Variants in NUP35 observed in about 807,000 individuals in gnomAD.
NUP35 encodes nucleoporin NUP35.
Under a neutral mutation model 41.5 loss-of-function variants are expected in NUP35, and 25 were observed. That is an observed-to-expected ratio of 0.60 (90% CI 0.44 to 0.84). The LOEUF (loss-of-function observed/expected upper bound fraction) is 0.84, where lower values mean the gene tolerates loss of function less well. Among genes scored for constraint, NUP35 ranks in the 40% least tolerant of loss-of-function variants. The pLI is 0.00. For missense variants in NUP35, 396 were observed against 396.6 expected (o/e 1.00, Z 0.01); for synonymous variants, 149 against 130.7 (o/e 1.14, Z -0.96).
chr2:183,140,040 A>T (rs1685030852), intron 4 of NUP35, among the ~76,000 whole-genome samples: 1 of 152,234 alleles, frequency 6.6e-6, no homozygotes, highest in Non-Finnish European at 1.5e-5. Flanking sequence ...ATAATACTGA[A>T]TAAAAACTAT....
intron 1 of NUP35, chr2:183,117,657 A>T (rs1700007044): frequency 6.6e-6 from 1 of 152,156 alleles, no homozygotes; most frequent in Non-Finnish European, 1.5e-5. Context: ...CTTCAATTTT[A>T]AAAAATTATT....
chr2:183,144,674 G>A (rs889935487), intron 4 of NUP35, among the ~76,000 whole-genome samples: 5 of 152,128 alleles, frequency 3.3e-5, no homozygotes, highest in African/African-American at 4.8e-5. Context: ...ATTGCAGTCC[G>A]ATTTGATGTG....
chr2:183,119,767 A>G (rs1700040857), upstream of NUP35, among the ~76,000 whole-genome samples: 1 of 152,048 alleles, frequency 6.6e-6, no homozygotes, highest in African/African-American at 2.4e-5. Flanking sequence ...TCACTGCAGC[A>G]TGGAACTCCT....
At chr2:183,158,432 G>A in intron 7 of NUP35, 21 bp downstream of exon 7, 2 of 1,571,836 alleles carry the variant, frequency 1.3e-6, no homozygotes, top group African/African-American at 1.4e-5. Context: ...GGTGATGTAG[G>A]CAAAGTAGCT....
intron 1 of NUP35, among the ~76,000 whole-genome samples, chr2:183,127,804 G>C (rs1198726987): frequency 6.6e-6 from 1 of 152,160 alleles, no homozygotes; most frequent in Non-Finnish European, 1.5e-5. Context: ...AGGTGTACTG[G>C]CTTCACACCT....
intron 4 of NUP35, 57 bp downstream of exon 4, chr2:183,133,680 C>CT: frequency 2.3e-6 from 3 of 1,299,970 alleles, no homozygotes; most frequent in Non-Finnish European, 3.1e-6. Context: ...GGCTCTGCTA[C>CT]CCACGCTGGA....
intron 4 of NUP35, among the ~76,000 whole-genome samples, chr2:183,141,450 T>A (rs1262553054): frequency 1.3e-5 from 2 of 152,216 alleles, no homozygotes; most frequent in African/African-American, 4.8e-5. Flanking sequence ...TTTCAGTTTT[T>A]AATTTTGCTA....
At chr2:183,156,759 A>G (rs1050721869) in intron 5 of NUP35, among the ~76,000 whole-genome samples, 3 of 151,678 alleles carry the variant, frequency 2.0e-5, no homozygotes, top group African/African-American at 7.3e-5. Flanking sequence ...AGCCATTTCT[A>G]TGCGATTGGT....
intron 7 of NUP35, 95 bp downstream of exon 7, chr2:183,158,506 G>GTGTC (rs1559157789): frequency 8.9e-7 from 1 of 1,125,404 alleles, no homozygotes. Context: ...TGGTTTCACT[G>GTGTC]TGTCTGTTTT....
chr2:183,129,681 G>A (rs1684628263), intron 2 of NUP35, among the ~76,000 whole-genome samples: 1 of 152,128 alleles, frequency 6.6e-6, no homozygotes, highest in South Asian at 2.1e-4. Flanking sequence ...GAGGCTAAAT[G>A]CAATAAGTAA....
At chr2:183,151,765 C>A in intron 5 of NUP35, 116 bp downstream of exon 5, 2 of 867,728 alleles carry the variant, frequency 2.3e-6, no homozygotes, top group Non-Finnish European at 3.5e-6. Flanking sequence ...ATATTACTAC[C>A]ACCTAGGTTC....
intron 4 of NUP35, among the ~76,000 whole-genome samples, chr2:183,148,467 GTT>G (rs1685354893): frequency 6.6e-6 from 1 of 152,054 alleles, no homozygotes; most frequent in African/African-American, 2.4e-5. Context: ...GCCAGCATCT[GTT>G]TGTTTTTTTG....
upstream of NUP35, among the ~76,000 whole-genome samples, chr2:183,121,787 G>A (rs1215960860): frequency 1.3e-5 from 2 of 151,944 alleles, no homozygotes; most frequent in Non-Finnish European, 2.9e-5. Flanking sequence ...AGCTGAGATC[G>A]TGTCACTGCA....
intron 5 of NUP35, among the ~76,000 whole-genome samples, chr2:183,153,143 A>G (rs1317256490): frequency 3.3e-5 from 5 of 152,176 alleles, no homozygotes; most frequent in Non-Finnish European, 5.9e-5. Flanking sequence ...ACTGGCCCCC[A>G]TGAATCAATT....
chr2:183,130,484 G>A lies in NUP35; in HGVS notation c.278G>A (p.Ser93Asn). The change falls in exon 3 of 9, where the codon AGT becomes AAT. Residue 93 changes from serine to asparagine, a missense_variant. Coordinates refer to ENST00000295119, the MANE Select transcript of NUP35 (RefSeq NM_138285.5). ...KDKSGAPPVR[S>N]IYDDISSPGL... ...AAAAGTGGCGCTCCACCAGTTAGAA[G>A]TATATATGATGACATTTCTAGCCCA... is the stretch of plus-strand genomic sequence containing the variant. 1 of 1,607,006 alleles carries A rather than the reference G, an allele frequency of 6.2e-7. No individual in the cohort carries two copies. Among genetic ancestry groups the A allele is most frequent in the Non-Finnish European group, 8.5e-7 (1 of 1,178,710 alleles).
At chr2:183,137,792 A>G (rs1320786207) in intron 4 of NUP35, among the ~76,000 whole-genome samples, 1 of 151,910 alleles carries the variant, frequency 6.6e-6, no homozygotes. Context: ...CCTCAAAGAA[A>G]AAAAAAAAGG....
At chr2:183,130,594 T>C in intron 3 of NUP35, 49 bp downstream of exon 3, 1 of 1,585,554 alleles carries the variant, frequency 6.3e-7, no homozygotes, top group Non-Finnish European at 8.6e-7. Context: ...CATGGTTTTA[T>C]GTGTCTGTTC....
chr2:183,147,449 A>T (rs1045834297), intron 4 of NUP35, among the ~76,000 whole-genome samples: 1 of 152,078 alleles, frequency 6.6e-6, no homozygotes, highest in Non-Finnish European at 1.5e-5. Context: ...GGCATCCTTT[A>T]TCCATTTTTT....
At chr2:183,125,017 A>G (rs1281142810) in intron 1 of NUP35, among the ~76,000 whole-genome samples, 1 of 151,948 alleles carries the variant, frequency 6.6e-6, no homozygotes, top group Non-Finnish European at 1.5e-5. Context: ...TTATTAATGG[A>G]AGCTTGAATC....
Sources: allele counts gnomAD v4.1 joint callset (sites outside exome capture counted in the v4.1 genomes callset), GRCh38; gene constraint gnomAD v4.1.1; transcripts MANE v1.5; gene names NCBI Gene and HGNC (gene_info 2026-07-23, HGNC 2026-07-21).